The following AFAP1L2 variants were observed in gnomAD, a reference collection of about 807,000 sequenced individuals.
AFAP1L2 encodes the protein actin filament-associated protein 1-like 2.
A neutral mutation model predicts 99.3 loss-of-function variants in AFAP1L2; 46 were observed. The ratio of observed to expected loss-of-function variants is 0.46; its 90% CI spans 0.37 to 0.59. The LOEUF (loss-of-function observed/expected upper bound fraction) is 0.59, where lower values mean the gene tolerates loss of function less well. Ranked by LOEUF, AFAP1L2 falls within the 20% of genes least tolerant of loss-of-function variation. The pLI is 0.00. For missense variants in AFAP1L2, 959 were observed against 1,034.9 expected (o/e 0.93, Z 1.01); for synonymous variants, 397 against 419.1 (o/e 0.95, Z 0.64).
chr10:114,352,226 C>T (rs975568308), intron 1 of AFAP1L2, among the ~76,000 whole-genome samples: 6 of 152,060 alleles, frequency 3.9e-5, no homozygotes, highest in Non-Finnish European at 8.8e-5. Context: ...AATCCCAGCA[C>T]TTTGGGCGGC....
At chr10:114,397,474 C>G (rs2057835850) in intron 1 of AFAP1L2, among the ~76,000 whole-genome samples, 1 of 152,154 alleles carries the variant, frequency 6.6e-6, no homozygotes, top group Non-Finnish European at 1.5e-5. Flanking sequence ...GTCAAAGAGA[C>G]AAAATAATTG....
intron 5 of AFAP1L2, among the ~76,000 whole-genome samples, chr10:114,317,553 A>G (rs148938193): frequency 5.3e-5 from 8 of 152,288 alleles, no homozygotes; most frequent in African/African-American, 1.9e-4. Flanking sequence ...TATCCTAGGA[A>G]ACTAGTTTTT....
At chr10:114,389,199 G>A (rs754239239) in intron 1 of AFAP1L2, among the ~76,000 whole-genome samples, 2 of 152,134 alleles carry the variant, frequency 1.3e-5, no homozygotes, top group Non-Finnish European at 2.9e-5. Flanking sequence ...GACACAATGC[G>A]AGGCAAACAG....
chr10:114,281,671 G>C, the AFAP1L2 span: 4 of 933,530 alleles, frequency 4.3e-6, no homozygotes, highest in Non-Finnish European at 5.1e-6. Context: ...TTGTTGTGTG[G>C]ACCAGATAGT....
intron 1 of AFAP1L2, among the ~76,000 whole-genome samples, chr10:114,394,026 A>T (rs2057429690): frequency 6.6e-6 from 1 of 152,108 alleles, no homozygotes; most frequent in Admixed American, 6.5e-5. Flanking sequence ...AGGAATTTTG[A>T]TTCTACCCCT....
chr10:114,310,620 G>C (rs1444401292), intron 7 of AFAP1L2, among the ~76,000 whole-genome samples, 177 bp from the exon 8 acceptor site: 4 of 152,228 alleles, frequency 2.6e-5, no homozygotes, highest in African/African-American at 9.6e-5. Context: ...TGTGGCCTCA[G>C]ACCCAGCTGG....
rs1470776766 is a variant in AFAP1L2 at position 114,295,599 on chromosome 10, C to G, written c.*443G>C. ...GCAAGGATGGTTTAATCCCCAACTG[C>G]TAAGTATTGGATAAGAGATGATGGC... On this transcript the variant is annotated 3_prime_UTR_variant, in exon 19 of 19. Transcript: ENST00000304129. 1 of 989,602 alleles carries G rather than the reference C, an allele frequency of 1.0e-6. No homozygotes were observed. The highest frequency in any genetic ancestry group is 1.2e-6 in the Non-Finnish European group (1 of 832,782). The allele number at this position is 989,602 out of a possible 1,614,324, so 61.3% of individuals were successfully genotyped here.
Position 114,333,294 on chromosome 10 carries a change from G to A in AFAP1L2, c.147C>T (p.Ser49=). The change falls in exon 3 of 19, where the codon AGC becomes AGT. Residue 49 remains serine (S), a splice_region_variant and synonymous_variant. Transcript: ENST00000304129. ...ELLRLYTKSS[S]SDEEYIYMNK... ...TCATATAAATGTACTCCTCATCAGA[G>A]CCTGCAGAAGGAAGGAGACACAGGC... The A allele has an allele frequency of 6.2e-7, 1 of 1,613,526 alleles. No individual in the cohort carries two copies. The highest frequency in any genetic ancestry group is 1.1e-5 in the South Asian group (1 of 91,064).
At chr10:114,302,283 C>G in intron 12 of AFAP1L2, 56 bp downstream of exon 12, 1 of 1,610,596 alleles carries the variant, frequency 6.2e-7, no homozygotes, top group Non-Finnish European at 8.5e-7. Context: ...TGACCCAGGG[C>G]CTACAGCATG....
chr10:114,343,965 C>G (rs551601041), intron 1 of AFAP1L2, among the ~76,000 whole-genome samples: 19 of 152,136 alleles, frequency 1.2e-4, no homozygotes, highest in Non-Finnish European at 2.6e-4. Context: ...GGCAGAGAAA[C>G]TGAATTAAAC....
downstream of AFAP1L2, chr10:114,291,235 TGAGG>T: frequency 6.5e-7 from 1 of 1,550,360 alleles, no homozygotes; most frequent in South Asian, 1.2e-5. Context: ...GAGACGCCCC[TGAGG>T]CACATGGCTC....
In AFAP1L2 at chr10:114,388,099, G is replaced by C. The variant is rs186983290; in HGVS notation, c.16+16341C>G. ...AGGATATGCTCAAATTTTTCCTGTG[G>C]AAAATAGATGGATCCAAGGTGGTCT... On this transcript the variant is annotated intron_variant, in intron 1 of 18. Transcript: ENST00000304129. Among the ~76,000 whole-genome samples the C allele has an allele frequency of 6.2e-4, 95 of 152,272 alleles. 2 individuals carry two copies. Among genetic ancestry groups the C allele is most frequent in the Admixed American group, 6.1e-3 (94 of 15,298 alleles).
intron 1 of AFAP1L2, among the ~76,000 whole-genome samples, chr10:114,376,807 G>T (rs1269434208): frequency 2.0e-5 from 3 of 152,138 alleles, no homozygotes; most frequent in African/African-American, 7.2e-5. Context: ...AAATACTGAA[G>T]ACTTAAGAAT....
chr10:114,349,125 C>A (rs142578788), intron 1 of AFAP1L2, among the ~76,000 whole-genome samples: 482 of 152,080 alleles, frequency 3.2e-3, no homozygotes, highest in Middle Eastern at 0.014. Flanking sequence ...CACCTGTAAC[C>A]CCAGCACTTT....
chr10:114,363,375 G>A (rs986359856), intron 1 of AFAP1L2, among the ~76,000 whole-genome samples: 3 of 152,138 alleles, frequency 2.0e-5, no homozygotes, highest in Admixed American at 1.3e-4. Context: ...GAGCTAGTCC[G>A]CTGGGCCCTC....
intron 1 of AFAP1L2, among the ~76,000 whole-genome samples, chr10:114,380,752 A>G (rs1384469034): frequency 6.6e-6 from 1 of 152,388 alleles, no homozygotes; most frequent in East Asian, 1.9e-4. Context: ...TTGAGAAGAC[A>G]TTACTACAAT....
chr10:114,281,857 T>C, the AFAP1L2 span: 6 of 613,176 alleles, frequency 9.8e-6, no homozygotes, highest in Admixed American at 6.3e-5. Flanking sequence ...AACATGTCTG[T>C]GGTCACACAG....
downstream of AFAP1L2, chr10:114,294,768 C>G: frequency 1.1e-6 from 1 of 935,192 alleles, no homozygotes; most frequent in Non-Finnish European, 1.3e-6. Context: ...AAAACATTTC[C>G]TCCCTTGAGA....
chr10:114,370,440 G>C (rs1274466121), intron 1 of AFAP1L2, among the ~76,000 whole-genome samples: 1 of 152,232 alleles, frequency 6.6e-6, no homozygotes, highest in Admixed American at 6.5e-5. Flanking sequence ...CAGGATGTAA[G>C]AGTCTGGGTA....
Sources: allele counts gnomAD v4.1 joint callset (sites outside exome capture counted in the v4.1 genomes callset), GRCh38; gene constraint gnomAD v4.1.1; transcripts MANE v1.5; gene names NCBI Gene and HGNC (gene_info 2026-07-23, HGNC 2026-07-21).